The following PTPRG variants were observed in gnomAD, a reference collection of about 807,000 sequenced individuals.
PTPRG encodes protein tyrosine phosphatase receptor type G.
PTPRG carries 102 observed loss-of-function variants against 165.3 expected under a neutral mutation model. The ratio of observed to expected loss-of-function variants is 0.62; its 90% confidence interval spans 0.53 to 0.73. The LOEUF is 0.73. Ranked by LOEUF, PTPRG falls within the 30% of genes least tolerant of loss-of-function variation. PTPRG has a pLI of 0.00. For missense variants in PTPRG, 1,866 were observed against 1,861.4 expected (o/e 1.00, Z -0.05); for synonymous variants, 675 against 669.5 (o/e 1.01, Z -0.13).
chr3:62,167,011 T>A (rs879273277), intron 7 of PTPRG, among the ~76,000 whole-genome samples: 6 of 152,110 alleles, frequency 3.9e-5, no homozygotes, highest in Non-Finnish European at 8.8e-5. Context: ...AATAGAAATA[T>A]GATTTGGGCA....
rs1197129235 is a variant in PTPRG, at chr3:61,836,721, T to TTTGTTG, written c.190+87751_190+87756dup. ...TGAAGTTCTGTTTGAAACCAGTTTT[T>TTTGTTG]TTGTTGTTGTTGTTGTTTTTTGTTT... On this transcript the variant is annotated intron_variant, in intron 2 of 29. Coordinates refer to ENST00000474889, the MANE Select transcript of PTPRG (RefSeq NM_002841.4). Among the ~76,000 whole-genome samples the TTTGTTG allele has an allele frequency of 2.1e-5, 3 of 143,800 alleles. No homozygotes were observed. In the East Asian group the frequency reaches 6.3e-4, roughly 30 times the overall value. The allele number at this position is 143,800 out of a possible 152,430, so 94.3% of individuals were successfully genotyped here. A position where few individuals can be genotyped will look rare whatever the true frequency, so the allele number is the denominator to read the frequency against.
intron 1 of PTPRG, among the ~76,000 whole-genome samples, chr3:61,706,070 A>T (rs1331665062): frequency 1.3e-5 from 2 of 152,166 alleles, no homozygotes; most frequent in Non-Finnish European, 2.9e-5. Context: ...AAAATGATTG[A>T]TTATGAGGAA....
At chr3:62,154,153 G>C (rs907449170) in intron 6 of PTPRG, among the ~76,000 whole-genome samples, 9 of 152,166 alleles carry the variant, frequency 5.9e-5, no homozygotes, top group Admixed American at 5.2e-4. Context: ...TAACTTATTT[G>C]AGTTGCTGGG....
intron 4 of PTPRG, among the ~76,000 whole-genome samples, chr3:62,048,315 T>A (rs1359291296): frequency 6.6e-6 from 1 of 152,234 alleles, no homozygotes; most frequent in Non-Finnish European, 1.5e-5. Flanking sequence ...TATTGTAACC[T>A]GCTTGCTTGA....
intron 4 of PTPRG, among the ~76,000 whole-genome samples, chr3:62,042,731 G>C (rs1466291470): frequency 6.6e-6 from 1 of 152,132 alleles, no homozygotes; most frequent in African/African-American, 2.4e-5. Context: ...GTAAGTGCTT[G>C]CTTTCTCAGT....
intron 1 of PTPRG, among the ~76,000 whole-genome samples, chr3:61,684,177 G>A (rs1703545114): frequency 6.6e-6 from 1 of 152,198 alleles, no homozygotes; most frequent in African/African-American, 2.4e-5. Flanking sequence ...TTTGCCTTCT[G>A]AGTAGTAAGG....
chr3:62,272,627 T>C (rs1441528632), intron 21 of PTPRG, among the ~76,000 whole-genome samples: 2 of 152,118 alleles, frequency 1.3e-5, no homozygotes, highest in Non-Finnish European at 2.9e-5. Flanking sequence ...GCAGATCACC[T>C]GAGGTCAGGA....
intron 2 of PTPRG, among the ~76,000 whole-genome samples, chr3:61,933,576 A>T (rs1341409562): frequency 6.6e-6 from 1 of 152,150 alleles, no homozygotes; most frequent in African/African-American, 2.4e-5. Context: ...TGATTAATTG[A>T]TTATTACCAT....
chr3:61,580,381 A>ATTTTT (rs36020375), intron 1 of PTPRG, among the ~76,000 whole-genome samples: 1 of 137,682 alleles, frequency 7.3e-6, no homozygotes, highest in Non-Finnish European at 1.6e-5. Context: ...CTCTATTCTG[A>ATTTTT]TTTTTTTTTT....
chr3:61,784,636 C>G (rs1319769161), intron 2 of PTPRG, among the ~76,000 whole-genome samples: 1 of 152,090 alleles, frequency 6.6e-6, no homozygotes, highest in Non-Finnish European at 1.5e-5. Flanking sequence ...ATGCATAACG[C>G]TGGTAGATTA....
intron 2 of PTPRG, among the ~76,000 whole-genome samples, chr3:61,934,984 C>G (rs188554496): frequency 6.6e-6 from 1 of 152,086 alleles, no homozygotes; most frequent in East Asian, 1.9e-4. Flanking sequence ...TTCTTGAGTG[C>G]GGAGTTCCCA....
intron 1 of PTPRG, among the ~76,000 whole-genome samples, chr3:61,688,104 G>T (rs1489688072): frequency 6.6e-6 from 1 of 152,198 alleles, no homozygotes; most frequent in African/African-American, 2.4e-5. Flanking sequence ...CCTTGGCTCT[G>T]TTGAGGTGGT....
Position 62,282,713 on chromosome 3 carries a change from T to C in PTPRG, c.3913-14T>C. The C allele has an allele frequency of 6.2e-7, 1 of 1,601,980 alleles. No individual in the cohort carries two copies. The highest frequency in any genetic ancestry group is 1.8e-5 in the Admixed American group (1 of 56,950). ...ATAAAGGAAGGGATTTGACCCATGTTGTATTGGTTACAGGATGACTATGTC... is the reference window on the plus strand; with the variant it reads ...ATAAAGGAAGGGATTTGACCCATGTCGTATTGGTTACAGGATGACTATGTC... On this transcript the variant is annotated splice_polypyrimidine_tract_variant and intron_variant, in intron 27 of 29. Coordinates refer to ENST00000474889, the MANE Select transcript of PTPRG (RefSeq NM_002841.4).
At chr3:62,038,538 TA>T (rs2107797332) in intron 4 of PTPRG, among the ~76,000 whole-genome samples, 1 of 152,280 alleles carries the variant, frequency 6.6e-6, no homozygotes, top group South Asian at 2.1e-4. Flanking sequence ...GCTGGGGCCA[TA>T]GGCCCATGCC....
chr3:61,821,197 T>C (rs957209898), intron 2 of PTPRG, among the ~76,000 whole-genome samples: 1 of 151,840 alleles, frequency 6.6e-6, no homozygotes. Flanking sequence ...TGAGACCGAG[T>C]CTGGCTCTGT....
intron 14 of PTPRG, among the ~76,000 whole-genome samples, chr3:62,242,103 CA>C (rs771089328): frequency 1.6e-4 from 24 of 152,294 alleles, no homozygotes; most frequent in Non-Finnish European, 3.2e-4. Flanking sequence ...GAAGTTATCT[CA>C]AACATCAAAA....
intron 4 of PTPRG, among the ~76,000 whole-genome samples, chr3:62,049,714 G>T (rs1700411542): frequency 6.6e-6 from 1 of 152,178 alleles, no homozygotes. Context: ...CTTACGAGTT[G>T]TGCAGTACTC....
intron 4 of PTPRG, among the ~76,000 whole-genome samples, chr3:62,003,866 C>G (rs2041231316): frequency 6.6e-6 from 1 of 152,142 alleles, no homozygotes; most frequent in Non-Finnish European, 1.5e-5. Flanking sequence ...GAAAAGTTGG[C>G]AACATGAAGA....
intron 1 of PTPRG, among the ~76,000 whole-genome samples, chr3:61,608,902 A>G (rs1237064552): frequency 6.6e-6 from 1 of 152,250 alleles, no homozygotes; most frequent in East Asian, 1.9e-4. Context: ...ATCCAAGATA[A>G]TACTCCATCT....
Sources: allele counts gnomAD v4.1 joint callset (sites outside exome capture counted in the v4.1 genomes callset), GRCh38; gene constraint gnomAD v4.1.1; transcripts MANE v1.5; gene names NCBI Gene and HGNC (gene_info 2026-07-23, HGNC 2026-07-21).